RAE1: variants seen among roughly 807,000 people sequenced by gnomAD.
RAE1 encodes mRNA export factor RAE1.
RAE1 carries 13 observed loss-of-function variants against 52.7 expected under a neutral mutation model. That is an observed-to-expected ratio of 0.25 (90% CI 0.16 to 0.39). RAE1 has a LOEUF of 0.39. RAE1 is among the 10% of genes least tolerant of loss of function. The probability of loss-of-function intolerance (pLI) is 1.00; values close to 1 mark genes in which losing one functional copy is unlikely to be tolerated. For synonymous variants in RAE1, 164 were observed against 153.1 expected (o/e 1.07, Z -0.52); for missense variants, 262 against 459.8 (o/e 0.57, Z 3.93).
In RAE1 at chr20:57,354,783, G is replaced by T. The variant is rs762237138; in HGVS notation, c.162G>T (p.Gly54=). ...CLSFSPPTLP[G]NFLIAGSWAN... The stretch of plus-strand genomic sequence containing the variant: ...CTTTTAGCCCACCAACCTTGCCGGG[G>T]AACTTTCTTATTGCAGGATCATGGG... Residue 54 remains glycine, a synonymous_variant, in exon 3 of 12, where the codon GGG becomes GGT. Transcript: ENST00000395841. 5 of 1,604,246 alleles carry T rather than the reference G, an allele frequency of 3.1e-6. No individual in the cohort carries two copies. The highest frequency in any genetic ancestry group is 1.3e-5 in the African/African-American group (1 of 74,108).
rs541085850 is a variant in RAE1 at position 57,369,986 on chromosome 20, G to GTATC, written c.642+1175_642+1178dup. On this transcript the variant is annotated intron_variant, in intron 8 of 11. Transcript: ENST00000395841. ...AGCCTTCTCAGGAACCGTATGCAGA[G>GTATC]TATCACCTCTTTCCCATACACCCGT... Among the ~76,000 whole-genome samples the GTATC allele has an allele frequency of 5.3e-5, 8 of 152,016 alleles. No homozygotes were observed. In the East Asian group the frequency reaches 1.6e-3, roughly 29 times the overall value.
intron 5 of RAE1, 120 bp downstream of exon 5, chr20:57,365,562 CAATT>C (rs1173615651): frequency 3.1e-6 from 2 of 644,018 alleles, no homozygotes; most frequent in African/African-American, 1.9e-5. Flanking sequence ...TCTGTCAAAT[CAATT>C]AGACAATATA....
Position 57,366,833 on chromosome 20 carries a change from T to C in RAE1, c.402T>C (p.His134=), listed in dbSNP as rs780462654. ...ATGATGCTCCTGTTAAAACCATCCA[T>C]TGGATCAAAGCTCCAAACTACAGCT... The part of the protein sequence containing the change: ...AQHDAPVKTI[H]WIKAPNYSCV... The change falls in exon 6 of 12, where the codon CAT becomes CAC. Residue 134 remains histidine, a synonymous_variant. Transcript: ENST00000395841. The C allele has an allele frequency of 3.7e-6, 6 of 1,613,544 alleles. No homozygotes were observed. The highest frequency in any genetic ancestry group is 2.5e-6 in the Non-Finnish European group (3 of 1,179,540).
At position 57,365,394 on chromosome 20, in the gene RAE1, T is replaced by C; in HGVS notation, c.327T>C (p.Thr109=). 1 of 1,610,866 alleles carries C rather than the reference T, an allele frequency of 6.2e-7. No homozygotes were observed. Among genetic ancestry groups the C allele is most frequent in the East Asian group, 2.2e-5 (1 of 44,710 alleles). The change falls in exon 5 of 12, where the codon ACT becomes ACC. Residue 109 remains threonine (T), a synonymous_variant. Transcript: ENST00000395841. ...SKVFTASCDK[T]AKMWDLSSNQ... ...TGTTTACGGCATCGTGTGATAAAAC[T>C]GCCAAAATGTGGGACCTCAGCAGTA...
At chr20:57,362,772 G>A (rs781165097) in intron 4 of RAE1, among the ~76,000 whole-genome samples, 36 of 152,140 alleles carry the variant, frequency 2.4e-4, no homozygotes, top group Non-Finnish European at 4.4e-4. Flanking sequence ...CAGAAGACAA[G>A]AATAGAGGTA....
rs1043604474 is a variant in RAE1 at position 57,362,143 on chromosome 20, T to A, written c.289-3213T>A. Among the ~76,000 whole-genome samples the A allele has an allele frequency of 2.6e-5, 4 of 152,366 alleles. No individual in the cohort carries two copies. The South Asian group carries it at 8.3e-4, about 32-fold the overall frequency. ...CTGGAAAAATTGTCTTCCATGAAAC[T>A]GGTCCCTGGTGCCACAAAGGTTGGG... On this transcript the variant is annotated intron_variant, in intron 4 of 11. Coordinates refer to ENST00000395841, the MANE Select transcript of RAE1 (RefSeq NM_003610.4).
intron 4 of RAE1, chr20:57,359,358 A>G: frequency 5.0e-6 from 1 of 201,140 alleles, no homozygotes; most frequent in Non-Finnish European, 1.0e-5. Flanking sequence ...GAATGTCTTC[A>G]TCTTACTTAC....
intron 4 of RAE1, among the ~76,000 whole-genome samples, chr20:57,360,415 G>A (rs973113908): frequency 3.3e-5 from 5 of 152,278 alleles, no homozygotes; most frequent in African/African-American, 9.6e-5. Flanking sequence ...ATAGGCCAGG[G>A]GCAAGAGGTG....
At chr20:57,375,355 A>C (rs1194868609) in intron 11 of RAE1, among the ~76,000 whole-genome samples, 1 of 152,014 alleles carries the variant, frequency 6.6e-6, no homozygotes, top group Admixed American at 6.6e-5. Flanking sequence ...TGTGGTTTTC[A>C]TCATTCTCCT....
chr20:57,378,042 A>T lies in RAE1; in HGVS notation c.1050A>T (p.Lys350Asn). 1 of 1,612,720 alleles carries T rather than the reference A, an allele frequency of 6.2e-7. No homozygotes were observed. Among genetic ancestry groups the T allele is most frequent in the Non-Finnish European group, 8.5e-7 (1 of 1,178,796 alleles). ...KGHEFYNPQK[K>N]NYIFLRNAAE... ...ATGAATTTTATAATCCCCAGAAAAA[A>T]AATTACATTTTCCTGCGTAATGCAG... is the stretch of plus-strand genomic sequence containing the variant. Residue 350 changes from lysine to asparagine, a missense_variant, in exon 12 of 12, where the codon AAA becomes AAT. Transcript: ENST00000395841.
Position 57,378,991 on chromosome 20 carries a change from A to G in RAE1, c.*892A>G, listed in dbSNP as rs1379069404. 6.6e-6 allele frequency: 1 copy of G among 152,206 alleles called. No homozygotes were observed. The allele number at this position is 152,206 out of a possible 1,614,324, so 9.4% of individuals were successfully genotyped here. ...AAATTCCTGGTTGGTAAGTATTCAA[A>G]ATGAAATTCAGCTGGGCTGAGAAAA... On this transcript the variant is annotated 3_prime_UTR_variant, in exon 12 of 12. Coordinates refer to ENST00000395841, the MANE Select transcript of RAE1 (RefSeq NM_003610.4).
At chr20:57,373,171 G>T (rs1056506255) in intron 8 of RAE1, 1 of 371,652 alleles carries the variant, frequency 2.7e-6, no homozygotes, top group Non-Finnish European at 5.0e-6. Flanking sequence ...CCACAGGCAG[G>T]GCCGCTGTCT....
At chr20:57,375,691 C>T (rs1600730317) in intron 11 of RAE1, among the ~76,000 whole-genome samples, 1 of 152,290 alleles carries the variant, frequency 6.6e-6, no homozygotes, top group Non-Finnish European at 1.5e-5. Context: ...GTTCCCTGTG[C>T]TCTGGCCCCT....
At position 57,365,343 on chromosome 20, in the gene RAE1, CATTTT is replaced by C. The variant is rs747946010; in HGVS notation, c.289-6_289-2del. ...TTTTCTTAAAATGCAAAATTTTCTC[CATTTT>C]ATTTTAGGATGGGAGCAAAGTGTTT... On this transcript the variant is annotated splice_region_variant and splice_polypyrimidine_tract_variant and intron_variant, in intron 4 of 11. Coordinates refer to ENST00000395841, the MANE Select transcript of RAE1 (RefSeq NM_003610.4). 1.9e-6 allele frequency: 3 copies of C among 1,588,720 alleles called. No homozygotes were observed. The highest frequency in any genetic ancestry group is 2.6e-6 in the Non-Finnish European group (3 of 1,161,788).
chr20:57,375,010 G>A, intron 11 of RAE1: 1 of 716,136 alleles, frequency 1.4e-6, no homozygotes, highest in South Asian at 1.5e-5. Context: ...CCAGCACACA[G>A]GAAGTGCTCG....
chr20:57,362,411 C>G (rs572140223), intron 4 of RAE1, among the ~76,000 whole-genome samples: 6 of 152,258 alleles, frequency 3.9e-5, no homozygotes, highest in African/African-American at 1.4e-4. Flanking sequence ...TCATATGCAA[C>G]TTATTTTTAG....
chr20:57,367,673 G>C (rs1277342102), intron 7 of RAE1, among the ~76,000 whole-genome samples: 2 of 149,630 alleles, frequency 1.3e-5, no homozygotes, highest in African/African-American at 4.9e-5. Context: ...CCAGCAAGTA[G>C]AGGTTGAAGT....
chr20:57,375,466 T>C lies in RAE1; in HGVS notation c.1020+665T>C, dbSNP rs370280228. On this transcript the variant is annotated intron_variant, in intron 11 of 11. Transcript: ENST00000395841. Reference sequence around the variant, plus strand: ...GTCACCTGCTTCACATAGGAGGGGCTTCCAGTGGCCTGCAGTGTCTTTCCC... The same window carrying C: ...GTCACCTGCTTCACATAGGAGGGGCCTCCAGTGGCCTGCAGTGTCTTTCCC... 2.0e-5 allele frequency among the ~76,000 whole-genome samples: 3 copies of C among 152,116 alleles called. No individual in the cohort carries two copies. The East Asian group carries it at 5.8e-4, about 29-fold the overall frequency.
At chr20:57,375,345 T>C (rs1434171494) in intron 11 of RAE1, among the ~76,000 whole-genome samples, 4 of 152,120 alleles carry the variant, frequency 2.6e-5, no homozygotes, top group African/African-American at 9.7e-5. Flanking sequence ...TCATTGTATT[T>C]GTGGTTTTCA....
Sources: gnomAD v4.1 joint callset for allele counts (sites outside exome capture counted in the v4.1 genomes callset) on GRCh38, gnomAD v4.1.1 for gene constraint, MANE v1.5 for transcripts, NCBI Gene and HGNC (gene_info 2026-07-23, HGNC 2026-07-21) for gene names.